Variants in ERICH5 observed in about 807,000 individuals in gnomAD.
The protein encoded by ERICH5 is glutamate rich 5, also known as glutamate-rich protein 5.
Under a neutral mutation model 28.0 loss-of-function variants are expected in ERICH5, and 24 were observed. The observed-to-expected ratio is 0.86, with a 90% CI of 0.62 to 1.21. ERICH5 has a LOEUF of 1.21. Among genes scored for constraint, ERICH5 ranks in the 50% most tolerant of loss-of-function variants. The pLI is 0.00. For synonymous variants in ERICH5, 163 were observed against 157.6 expected (o/e 1.03, Z -0.25); for missense variants, 421 against 441.2 (o/e 0.95, Z 0.41).
At chr8:98,069,400 C>G (rs1027423232) in intron 1 of ERICH5, among the ~76,000 whole-genome samples, 1 of 150,514 alleles carries the variant, frequency 6.6e-6, no homozygotes, top group African/African-American at 2.4e-5. Context: ...TTTATATATT[C>G]TTTTGAAGTT....
At chr8:98,088,823 A>G (rs1379832163) in intron 1 of ERICH5, among the ~76,000 whole-genome samples, 2 of 152,218 alleles carry the variant, frequency 1.3e-5, no homozygotes, top group Non-Finnish European at 2.9e-5. Flanking sequence ...AAGATGCACA[A>G]GGAGCAAACA....
intron 1 of ERICH5, among the ~76,000 whole-genome samples, chr8:98,067,870 C>T (rs956980557): frequency 6.6e-6 from 1 of 152,096 alleles, no homozygotes; most frequent in African/African-American, 2.4e-5. Flanking sequence ...TCCCAAAGTA[C>T]TGGGATTATA....
At chr8:98,083,396 A>G (rs1470012869) in intron 1 of ERICH5, among the ~76,000 whole-genome samples, 1 of 152,130 alleles carries the variant, frequency 6.6e-6, no homozygotes, top group African/African-American at 2.4e-5. Flanking sequence ...TGATTAAGTC[A>G]CCTTACTTGC....
rs748624486 is a variant in ERICH5, at chr8:98,064,754, G to T, written c.58+27G>T. The T allele has an allele frequency of 2.2e-5, 33 of 1,520,618 alleles. No individual in the cohort carries two copies. In the South Asian group the frequency reaches 2.4e-4, roughly 11 times the overall value. 94.2% of individuals were successfully genotyped at this position (1,520,618 alleles called of 1,614,324 possible). A position where few individuals can be genotyped will look rare whatever the true frequency, so the allele number is the denominator to read the frequency against. On this transcript the variant is annotated intron_variant, in intron 1 of 2. Coordinates refer to ENST00000318528, the MANE Select transcript of ERICH5 (RefSeq NM_173549.3). ...TGAGCAGGGTACCGGCGCCGCCCGC[G>T]CCCGGGCTGGGGACTCGGGTGGGCT...
At chr8:98,073,547 A>ATT (rs3075369) in intron 1 of ERICH5, among the ~76,000 whole-genome samples, 273 of 22,926 alleles carry the variant, frequency 0.012, 54 homozygotes, top group African/African-American at 0.016. Flanking sequence ...TATATATATA[A>ATT]TTTTTTTTTT....
At chr8:98,085,136 C>CTT (rs760470751) in intron 1 of ERICH5, among the ~76,000 whole-genome samples, 3 of 57,318 alleles carry the variant, frequency 5.2e-5, no homozygotes, top group Non-Finnish European at 1.1e-4. Flanking sequence ...GTTCCACAGC[C>CTT]TTTTTTTTTT....
chr8:98,074,428 T>TC (rs1024645578), intron 1 of ERICH5, among the ~76,000 whole-genome samples: 6 of 117,866 alleles, frequency 5.1e-5, no homozygotes, highest in African/African-American at 1.6e-4. Context: ...TTAATTTACT[T>TC]TTTTTTTTTT....
At chr8:98,084,144 C>T (rs1488622724) in intron 1 of ERICH5, among the ~76,000 whole-genome samples, 1 of 151,722 alleles carries the variant, frequency 6.6e-6, no homozygotes, top group Non-Finnish European at 1.5e-5. Flanking sequence ...CTGCCTTAGC[C>T]TCCCAAAGTG....
Position 98,067,848 on chromosome 8 carries a change from C to T in ERICH5, c.58+3121C>T, listed in dbSNP as rs572813475. Among the ~76,000 whole-genome samples the T allele has an allele frequency of 4.1e-4, 63 of 152,130 alleles. 1 individual carries two copies. The South Asian group carries it at 0.012, about 30-fold the overall frequency. On this transcript the variant is annotated intron_variant, in intron 1 of 2. Transcript: ENST00000318528. ...CGAACTCCCGCCCTCAGGTGATCCA[C>T]CCGCCTCAGCCTCCCAAAGTACTGG...
chr8:98,065,333 A>G (rs866635449), intron 1 of ERICH5, among the ~76,000 whole-genome samples: 1 of 152,250 alleles, frequency 6.6e-6, no homozygotes, highest in Non-Finnish European at 1.5e-5. Context: ...CATTCACTCC[A>G]TCAAATGGGT....
chr8:98,064,606 CT>C lies in ERICH5; in HGVS notation c.-62del. On this transcript the variant is annotated 5_prime_UTR_variant, in exon 1 of 3. Transcript: ENST00000318528. The stretch of plus-strand genomic sequence containing the variant: ...CTTCCGCGGCTACGGGTGCAGTTGC[CT>C]TCGGTTCCCGGTTCCGGGCCGACAC... 1.4e-6 allele frequency: 2 copies of C among 1,405,640 alleles called. No homozygotes were observed. The highest frequency in any genetic ancestry group is 1.9e-6 in the Non-Finnish European group (2 of 1,050,966). 87.1% of individuals were successfully genotyped at this position (1,405,640 alleles called of 1,614,324 possible). A position where few individuals can be genotyped will look rare whatever the true frequency, so the allele number is the denominator to read the frequency against.
At chr8:98,078,481 A>G (rs1158473836) in intron 1 of ERICH5, among the ~76,000 whole-genome samples, 1 of 152,228 alleles carries the variant, frequency 6.6e-6, no homozygotes, top group African/African-American at 2.4e-5. Flanking sequence ...GATGTCTGAT[A>G]TGGCATAGTC....
rs1815114796 is a variant in ERICH5, at chr8:98,078,994, A to G, written c.59-10082A>G. ...TGTAGTACCTTTTTCTACTTTGAGG[A>G]GGTATGGTGAGGATTCACAAAATCA... On this transcript the variant is annotated intron_variant, in intron 1 of 2. Transcript: ENST00000318528. Among the ~76,000 whole-genome samples, 3 of 152,154 alleles carry G rather than the reference A, an allele frequency of 2.0e-5. 1 individual carries two copies. In the South Asian group the frequency reaches 6.2e-4, roughly 32 times the overall value.
intron 1 of ERICH5, among the ~76,000 whole-genome samples, chr8:98,077,316 A>G (rs1377778184): frequency 6.6e-6 from 1 of 152,178 alleles, no homozygotes; most frequent in Non-Finnish European, 1.5e-5. Context: ...AGAGACAGAC[A>G]TCATCTTCCT....
rs967139150 is a variant in ERICH5 at position 98,089,283 on chromosome 8, C to T, written c.266C>T (p.Ala89Val). ...LQEQPLAKDVAPGRDATDQSG... is the reference protein window; with the variant it reads ...LQEQPLAKDVVPGRDATDQSG... ...GAACAGCCCCTGGCCAAGGACGTAG[C>T]CCCTGGAAGGGATGCCACAGACCAA... Residue 89 changes from alanine (A) to valine (V), a missense_variant, in exon 2 of 3, where the codon GCC becomes GTC. Coordinates refer to ENST00000318528, the MANE Select transcript of ERICH5 (RefSeq NM_173549.3). 1.9e-6 allele frequency: 3 copies of T among 1,614,210 alleles called. No homozygotes were observed. The East Asian group carries it at 6.7e-5, about 36-fold the overall frequency.
In ERICH5 at chr8:98,091,900, C is replaced by CTTTCTTTCTTTCTTTCTTTCTTT; in HGVS notation, c.1013-1321_1013-1320insTTTCTTTCTTTCTTTCTTTCTTT. 4.1e-3 allele frequency among the ~76,000 whole-genome samples: 309 copies of CTTTCTTTCTTTCTTTCTTTCTTT among 74,600 alleles called. 2 individuals carry two copies. The highest frequency in any genetic ancestry group is 0.023 in the Middle Eastern group (3 of 132). 48.9% of individuals were successfully genotyped at this position (74,600 alleles called of 152,430 possible). On this transcript the variant is annotated intron_variant, in intron 2 of 2. Transcript: ENST00000318528. ...TCTTTCTTTCTTTCTTTCTTTCTTTCCTTTCTTTCTTTCTTTCTTCCTTTC... is the reference window on the plus strand; with the variant it reads ...TCTTTCTTTCTTTCTTTCTTTCTTTCTTTCTTTCTTTCTTTCTTTCTTTCTTTCTTTCTTTCTTTCTTCCTTTC...
chr8:98,075,051 G>T (rs1815023009), intron 1 of ERICH5, among the ~76,000 whole-genome samples: 1 of 152,066 alleles, frequency 6.6e-6, no homozygotes, highest in African/African-American at 2.4e-5. Context: ...ACTGGAATTT[G>T]TCTGGTATTT....
At chr8:98,074,725 T>C (rs1815018619) in intron 1 of ERICH5, among the ~76,000 whole-genome samples, 2 of 152,244 alleles carry the variant, frequency 1.3e-5, no homozygotes, top group Non-Finnish European at 2.9e-5. Context: ...ATTATGAAGT[T>C]GGTACAGAGA....
chr8:98,080,875 T>A (rs1030503048), intron 1 of ERICH5, among the ~76,000 whole-genome samples: 57 of 151,496 alleles, frequency 3.8e-4, no homozygotes, highest in African/African-American at 2.4e-4. Context: ...GCTAATTTTT[T>A]AATTTTTTTA....
Sources: gnomAD v4.1 joint callset for allele counts (sites outside exome capture counted in the v4.1 genomes callset) on GRCh38, gnomAD v4.1.1 for gene constraint, MANE v1.5 for transcripts, NCBI Gene and HGNC (gene_info 2026-07-23, HGNC 2026-07-21) for gene names.